PIK3AP1: variants seen among roughly 807,000 people sequenced by gnomAD.
PIK3AP1 encodes the protein phosphoinositide-3-kinase adaptor protein 1, also known as phosphoinositide 3-kinase adapter protein 1.
A neutral mutation model predicts 88.1 loss-of-function variants in PIK3AP1; 21 were observed. The ratio of observed to expected loss-of-function variants is 0.24; its 90% CI spans 0.17 to 0.34. The LOEUF is 0.34. Among genes scored for constraint, PIK3AP1 ranks in the 10% least tolerant of loss-of-function variants. The pLI is 1.00. For missense variants in PIK3AP1, 828 were observed against 1,035.7 expected (o/e 0.80, Z 2.75); for synonymous variants, 398 against 400.0 (o/e 1.00, Z 0.06).
chr10:96,691,898 C>A (rs889111879), intron 2 of PIK3AP1, among the ~76,000 whole-genome samples: 3 of 152,224 alleles, frequency 2.0e-5, no homozygotes, highest in African/African-American at 4.8e-5. Flanking sequence ...TTAAACATCT[C>A]TGCTTGCTTA....
rs4344416 is a variant in PIK3AP1 at position 96,626,801 on chromosome 10, G to A, written c.1576C>T (p.Leu526=). 0.94 allele frequency: 1,515,775 copies of A among 1,614,148 alleles called. 713,895 individuals are homozygous for A. Among genetic ancestry groups the A allele is most frequent in the East Asian group, 1 (44,881 of 44,890 alleles). ...ACTGGGACAGGGGGCCTGCTGGCCAGGTCCACAGAAAAGGCCTCATCGTCA... is the reference window on the plus strand; with the variant it reads ...ACTGGGACAGGGGGCCTGCTGGCCAAGTCCACAGAAAAGGCCTCATCGTCA... ...VDDDEAFSVD[L]ASRPPVPVPR... Residue 526 remains leucine, a synonymous_variant, in exon 10 of 17, where the codon CTG becomes TTG. Transcript: ENST00000339364.
chr10:96,673,591 G>A (rs772245993), intron 2 of PIK3AP1, among the ~76,000 whole-genome samples: 10 of 152,114 alleles, frequency 6.6e-5, no homozygotes, highest in Non-Finnish European at 7.3e-5. Flanking sequence ...ATGGCACAAC[G>A]CAGGCTTGTC....
rs1844070090 is a variant in PIK3AP1, at chr10:96,686,489, C to A, written c.430+23078G>T. 2.6e-5 allele frequency among the ~76,000 whole-genome samples: 4 copies of A among 152,134 alleles called. No individual in the cohort carries two copies. In the South Asian group the frequency reaches 8.3e-4, roughly 32 times the overall value. On this transcript the variant is annotated intron_variant, in intron 2 of 16. Transcript: ENST00000339364. Reference sequence around the variant, plus strand: ...ACAGGAGTCCAGAGCAAAGAGAAACCACAGGTAACAGAATTTGAGTTGGAT... The same window carrying A: ...ACAGGAGTCCAGAGCAAAGAGAAACAACAGGTAACAGAATTTGAGTTGGAT...
intron 16 of PIK3AP1, among the ~76,000 whole-genome samples, chr10:96,601,473 CAAAAAAAAAA>C (rs11407501): frequency 1.3e-5 from 1 of 75,480 alleles, no homozygotes; most frequent in Admixed American, 1.6e-4. Context: ...GAATCTATCT[CAAAAAAAAAA>C]AAAAAAAAAA....
intron 2 of PIK3AP1, among the ~76,000 whole-genome samples, chr10:96,668,429 G>A (rs907606501): frequency 6.6e-6 from 1 of 152,114 alleles, no homozygotes; most frequent in Admixed American, 6.5e-5. Context: ...GTTTAAATAA[G>A]GTAAAGTCAA....
chr10:96,685,601 A>T (rs576568006), intron 2 of PIK3AP1, among the ~76,000 whole-genome samples: 1 of 152,284 alleles, frequency 6.6e-6, no homozygotes, highest in African/African-American at 2.4e-5. Flanking sequence ...TTTTACCCAC[A>T]ACTGAAATGA....
At chr10:96,690,579 C>T (rs938717429) in intron 2 of PIK3AP1, among the ~76,000 whole-genome samples, 12 of 152,128 alleles carry the variant, frequency 7.9e-5, no homozygotes, top group African/African-American at 2.9e-4. Flanking sequence ...AAATTAAACA[C>T]TCCCCGTTCT....
At chr10:96,657,048 A>G in intron 2 of PIK3AP1, 114 bp from the exon 3 acceptor site, 1 of 1,124,346 alleles carries the variant, frequency 8.9e-7, no homozygotes, top group Non-Finnish European at 1.3e-6. Flanking sequence ...TGAATGTCAA[A>G]CCAATACAAG....
intron 1 of PIK3AP1, among the ~76,000 whole-genome samples, chr10:96,715,042 A>AAG (rs1554963700): frequency 2.0e-5 from 3 of 151,302 alleles, no homozygotes; most frequent in African/African-American, 7.3e-5. Flanking sequence ...GAAAAAAAAA[A>AAG]GAGTAAATTT....
chr10:96,611,110 G>A (rs1849101234), intron 13 of PIK3AP1, among the ~76,000 whole-genome samples: 1 of 152,198 alleles, frequency 6.6e-6, no homozygotes, highest in South Asian at 2.1e-4. Flanking sequence ...ACAGGATGAA[G>A]GAGCAGCGAG....
At chr10:96,718,092 G>A (rs117899600) in intron 1 of PIK3AP1, among the ~76,000 whole-genome samples, 1,812 of 152,296 alleles carry the variant, frequency 0.012, 17 homozygotes, top group Non-Finnish European at 0.02. Flanking sequence ...TCATATACAA[G>A]CCCAGAGTAG....
intron 4 of PIK3AP1, 89 bp from the exon 5 acceptor site, chr10:96,651,740 T>C: frequency 7.0e-7 from 1 of 1,423,784 alleles, no homozygotes; most frequent in Non-Finnish European, 9.6e-7. Flanking sequence ...TCCATCTGAG[T>C]GGTGAGGACA....
At chr10:96,696,807 A>G (rs2134279197) in intron 2 of PIK3AP1, among the ~76,000 whole-genome samples, 1 of 152,358 alleles carries the variant, frequency 6.6e-6, no homozygotes, top group Non-Finnish European at 1.5e-5. Flanking sequence ...ATGCATTTAA[A>G]GTTTCATTTA....
At chr10:96,713,503 T>TAAAAAAAAAAA (rs566830672) in intron 1 of PIK3AP1, among the ~76,000 whole-genome samples, 1 of 84,930 alleles carries the variant, frequency 1.2e-5, no homozygotes. Context: ...GACTCCGTCT[T>TAAAAAAAAAAA]AAAAAAAAAA....
chr10:96,716,243 C>T (rs1270076551), intron 1 of PIK3AP1, among the ~76,000 whole-genome samples: 1 of 152,186 alleles, frequency 6.6e-6, no homozygotes, highest in African/African-American at 2.4e-5. Context: ...GGTCGTACCA[C>T]TGCCCTCCAG....
At chr10:96,615,748 A>G (rs965295524) in intron 13 of PIK3AP1, among the ~76,000 whole-genome samples, 13 of 152,198 alleles carry the variant, frequency 8.5e-5, no homozygotes, top group African/African-American at 2.7e-4. Flanking sequence ...AAGAAGAGGC[A>G]TGGCATGAGC....
chr10:96,719,298 C>T (rs899596367), intron 1 of PIK3AP1, among the ~76,000 whole-genome samples: 2 of 152,178 alleles, frequency 1.3e-5, no homozygotes, highest in Non-Finnish European at 2.9e-5. Flanking sequence ...GGAGAGCTGG[C>T]TCTTCATTCC....
rs983871816 is a variant in PIK3AP1, at chr10:96,593,494, C to CT, written c.*2082dup. 1 of 152,218 alleles carries CT rather than the reference C, an allele frequency of 6.6e-6. No individual in the cohort carries two copies. The highest frequency in any genetic ancestry group is 2.4e-5 in the African/African-American group (1 of 41,452). The allele number at this position is 152,218 out of a possible 1,614,324, so 9.4% of individuals were successfully genotyped here. A position where few individuals can be genotyped will look rare whatever the true frequency, so the allele number is the denominator to read the frequency against. ...TGTTCATCAGAGAATGTACAAAATT[C>CT]TAAGTTTGGCATCCAAAAGGGGGCT... On this transcript the variant is annotated 3_prime_UTR_variant, in exon 17 of 17. Coordinates refer to ENST00000339364, the MANE Select transcript of PIK3AP1 (RefSeq NM_152309.3).
intron 2 of PIK3AP1, among the ~76,000 whole-genome samples, chr10:96,681,744 G>A (rs1025289025): frequency 4.6e-5 from 7 of 152,094 alleles, no homozygotes; most frequent in African/African-American, 1.4e-4. Flanking sequence ...GGCAAATTTG[G>A]TGACTTCCCA....
Sources: allele counts gnomAD v4.1 joint callset (sites outside exome capture counted in the v4.1 genomes callset), GRCh38; gene constraint gnomAD v4.1.1; transcripts MANE v1.5; gene names NCBI Gene and HGNC (gene_info 2026-07-23, HGNC 2026-07-21).